Variants in CCNT2 observed in about 807,000 individuals in gnomAD.
The protein encoded by CCNT2 is cyclin T2.
A neutral mutation model predicts 70.0 loss-of-function variants in CCNT2; 18 were observed. The ratio of observed to expected loss-of-function variants is 0.26; its 90% CI spans 0.18 to 0.38. The LOEUF (loss-of-function observed/expected upper bound fraction) is 0.38, where lower values mean the gene tolerates loss of function less well. Among genes scored for constraint, CCNT2 ranks in the 10% least tolerant of loss-of-function variants. The probability of loss-of-function intolerance (pLI) is 1.00; values close to 1 mark genes in which losing one functional copy is unlikely to be tolerated. For missense variants in CCNT2, 734 were observed against 890.2 expected (o/e 0.82, Z 2.23); for synonymous variants, 334 against 313.3 (o/e 1.07, Z -0.70).
At chr2:134,919,049 T>C (rs780439752) in intron 1 of CCNT2, 37 bp downstream of exon 1, 2 of 1,551,084 alleles carry the variant, frequency 1.3e-6, no homozygotes. Flanking sequence ...ACGCCCTGTT[T>C]CCCTTGCCCG....
At position 134,957,639 on chromosome 2, in the gene CCNT2, G is replaced by A. The variant is rs894616423; in HGVS notation, c.*2991G>A. The stretch of plus-strand genomic sequence containing the variant: ...ATTCTTAGAGGCCTACTTAACGGGC[G>A]GCAGTATCCGGTAGTGGTAAAACCT... On this transcript the variant is annotated 3_prime_UTR_variant, in exon 9 of 9. Coordinates refer to ENST00000264157, the MANE Select transcript of CCNT2 (RefSeq NM_058241.3). The A allele has an allele frequency of 3.3e-5, 5 of 152,154 alleles. No homozygotes were observed. The highest frequency in any genetic ancestry group is 4.1e-4 in the South Asian group (2 of 4,824). 9.4% of individuals were successfully genotyped at this position (152,154 alleles called of 1,614,324 possible).
At chr2:134,931,288 G>GTTTTTTTTTTTTTTTTTT (rs1680752016) in intron 2 of CCNT2, among the ~76,000 whole-genome samples, 1 of 18,782 alleles carries the variant, frequency 5.3e-5, no homozygotes. Context: ...TTTTTTTTTT[G>GTTTTTTTTTTTTTTTTTT]GTATTTGAAT....
rs547152471 is a variant in CCNT2 at position 134,954,846 on chromosome 2, T to C, written c.*198T>C. The C allele has an allele frequency of 2.6e-5, 14 of 535,940 alleles. No homozygotes were observed. The East Asian group carries it at 3.2e-4, about 12-fold the overall frequency. The allele number at this position is 535,940 out of a possible 1,614,324, so 33.2% of individuals were successfully genotyped here. Reference sequence around the variant, plus strand: ...TTTATCTCCACATATGATAGTGTTATAAATACTGTAAAAGCATGGAAGGTG... The same window carrying C: ...TTTATCTCCACATATGATAGTGTTACAAATACTGTAAAAGCATGGAAGGTG... On this transcript the variant is annotated 3_prime_UTR_variant, in exon 9 of 9. Coordinates refer to ENST00000264157, the MANE Select transcript of CCNT2 (RefSeq NM_058241.3).
intron 3 of CCNT2, among the ~76,000 whole-genome samples, chr2:134,937,760 C>T (rs1405430078): frequency 6.6e-6 from 1 of 151,980 alleles, no homozygotes; most frequent in Non-Finnish European, 1.5e-5. Flanking sequence ...ACTAAAAATA[C>T]AAAATTAGCC....
In CCNT2 at chr2:134,955,684, TTCTTAAATATAC is replaced by T. The variant is rs1559120922; in HGVS notation, c.*1039_*1050del. ...CTTTAGCATTCAGAATGACACCATA[TTCTTAAATATAC>T]TCCTTCCCTGAAGCGTGTTTGTGTG... On this transcript the variant is annotated 3_prime_UTR_variant, in exon 9 of 9. Coordinates refer to ENST00000264157, the MANE Select transcript of CCNT2 (RefSeq NM_058241.3). 1.3e-5 allele frequency: 2 copies of T among 152,658 alleles called. No individual in the cohort carries two copies. The highest frequency in any genetic ancestry group is 6.5e-5 in the Admixed American group (1 of 15,282). 9.5% of individuals were successfully genotyped at this position (152,658 alleles called of 1,614,324 possible).
At chr2:134,945,867 A>G in intron 5 of CCNT2, 1 of 1,498,946 alleles carries the variant, frequency 6.7e-7, no homozygotes, top group Non-Finnish European at 8.9e-7. Flanking sequence ...GCTAGCTAAA[A>G]GCAAATCGGC....
intron 5 of CCNT2, chr2:134,944,828 T>A: frequency 3.0e-6 from 3 of 985,008 alleles, no homozygotes; most frequent in Non-Finnish European, 3.6e-6. Flanking sequence ...CAGTGACTGT[T>A]TCTGGATCAC....
rs76529534 is a variant in CCNT2, at chr2:134,950,505, C to T, written c.704-2136C>T. ...AATACACACAAACCGGGCATGGTGG[C>T]GCACTCCTATAGACCCAACTACTGT... is the stretch of plus-strand genomic sequence containing the variant. On this transcript the variant is annotated intron_variant, in intron 7 of 8. Transcript: ENST00000264157. Among the ~76,000 whole-genome samples the T allele has an allele frequency of 6.4e-4, 97 of 152,136 alleles. 1 individual carries two copies. In the East Asian group the frequency reaches 0.017, roughly 27 times the overall value.
intron 2 of CCNT2, among the ~76,000 whole-genome samples, chr2:134,936,042 G>A (rs1194531530): frequency 1.3e-5 from 2 of 151,572 alleles, no homozygotes; most frequent in East Asian, 3.9e-4. Context: ...TTGTGTGGTA[G>A]TTATAGCCAC....
At chr2:134,937,122 GC>G in intron 3 of CCNT2, among the ~76,000 whole-genome samples, 153 bp downstream of exon 3, 1 of 152,186 alleles carries the variant, frequency 6.6e-6, no homozygotes, top group Non-Finnish European at 1.5e-5. Flanking sequence ...AAGCAGTCTG[GC>G]AGAAAAACAT....
intron 7 of CCNT2, among the ~76,000 whole-genome samples, chr2:134,950,126 C>A (rs914561484): frequency 6.6e-6 from 1 of 152,144 alleles, no homozygotes. Context: ...AGTTTATATA[C>A]CTGGTGCTGA....
chr2:134,925,465 C>A (rs1680223025), intron 2 of CCNT2, among the ~76,000 whole-genome samples: 1 of 152,116 alleles, frequency 6.6e-6, no homozygotes, highest in African/African-American at 2.4e-5. Context: ...GCAGTCATTT[C>A]TCCCTATTTT....
At chr2:134,948,884 T>G (rs956668192) in intron 7 of CCNT2, among the ~76,000 whole-genome samples, 7 of 150,894 alleles carry the variant, frequency 4.6e-5, no homozygotes, top group Admixed American at 1.3e-4. Flanking sequence ...CCAACTAGTT[T>G]TTGTGTTTTT....
In CCNT2 at chr2:134,919,091, G is replaced by A. The variant is rs1056955516; in HGVS notation, c.158+79G>A. On this transcript the variant is annotated intron_variant, in intron 1 of 8. Coordinates refer to ENST00000264157, the MANE Select transcript of CCNT2 (RefSeq NM_058241.3). ...GGGCCTGGTGCCCCGCGAACATGGC[G>A]CCGCCGGCCTCGGCCTTCGCTGGGC... 7.5e-6 allele frequency: 11 copies of A among 1,475,044 alleles called. No individual in the cohort carries two copies. In the South Asian group the frequency reaches 1.2e-4, roughly 16 times the overall value. The allele number at this position is 1,475,044 out of a possible 1,614,324, so 91.4% of individuals were successfully genotyped here.
intron 2 of CCNT2, 58 bp downstream of exon 2, chr2:134,919,949 GA>G (rs1359013230): frequency 5.0e-6 from 6 of 1,210,168 alleles, no homozygotes; most frequent in African/African-American, 1.5e-5. Flanking sequence ...TCGATACGCA[GA>G]AAAAAAGTTG....
intron 4 of CCNT2, among the ~76,000 whole-genome samples, chr2:134,939,973 C>A (rs10175818): frequency 0.35 from 52,669 of 151,992 alleles, 9,901 homozygotes; most frequent in Middle Eastern, 0.67. Flanking sequence ...AGAACATGGG[C>A]TTTGGGGAGA....
rs1385186691 is a variant in CCNT2 at position 134,955,973 on chromosome 2, G to A, written c.*1325G>A. The A allele has an allele frequency of 2.0e-5, 3 of 152,602 alleles. No homozygotes were observed. The highest frequency in any genetic ancestry group is 4.4e-5 in the Non-Finnish European group (3 of 68,022). The allele number at this position is 152,602 out of a possible 1,614,324, so 9.5% of individuals were successfully genotyped here. ...CTCAGTATATTTCTGTTGAGGTAAAGTTTGCACAGTCATCTGACTTCTGAT... is the reference window on the plus strand; with the variant it reads ...CTCAGTATATTTCTGTTGAGGTAAAATTTGCACAGTCATCTGACTTCTGAT... On this transcript the variant is annotated 3_prime_UTR_variant, in exon 9 of 9. Coordinates refer to ENST00000264157, the MANE Select transcript of CCNT2 (RefSeq NM_058241.3).
chr2:134,921,913 C>G (rs1235129625), intron 2 of CCNT2, among the ~76,000 whole-genome samples: 4 of 152,212 alleles, frequency 2.6e-5, no homozygotes, highest in South Asian at 4.1e-4. Context: ...TAATTGAAAT[C>G]TGTTCATTTC....
Position 134,954,503 on chromosome 2 carries a change from C to T in CCNT2, c.2048C>T (p.Thr683Ile), listed in dbSNP as rs199860380. ...TYQVGYGHLS[T>I]LVKLDKKPVE... ...CAGGTGGGCTACGGACATCTCAGCA[C>T]CCTCGTGAAACTGGACAAGAAGCCA... The change falls in exon 9 of 9, where the codon ACC becomes ATC. Residue 683 changes from threonine to isoleucine, a missense_variant. Thr to Ile is a moderately conservative substitution (Grantham distance 89). Around this residue, in one of 3 missense-constraint regions of CCNT2, gnomAD observed 532 missense variants for 556.9 expected, o/e 0.96. Transcript: ENST00000264157. 2.5e-6 allele frequency: 4 copies of T among 1,614,140 alleles called. No individual in the cohort carries two copies. Among genetic ancestry groups the T allele is most frequent in the Non-Finnish European group, 3.4e-6 (4 of 1,180,022 alleles).
Sources: gnomAD v4.1 joint callset for allele counts (sites outside exome capture counted in the v4.1 genomes callset) on GRCh38, gnomAD v4.1.1 for gene constraint, gnomAD v4.1.1 regional missense constraint, MANE v1.5 for transcripts, NCBI Gene and HGNC (gene_info 2026-07-23, HGNC 2026-07-21) for gene names.